STK24: variants seen among roughly 807,000 people sequenced by gnomAD.
The protein encoded by STK24 is serine/threonine-protein kinase 24.
In STK24, 21 loss-of-function variants were observed where a neutral mutation model predicts 55.6. The observed-to-expected ratio is 0.38, with a 90% CI of 0.27 to 0.54. STK24 has a LOEUF of 0.54. STK24 is among the 20% of genes least tolerant of loss of function. The probability of loss-of-function intolerance (pLI) is 0.79; values close to 1 mark genes in which losing one functional copy is unlikely to be tolerated. For missense variants in STK24, 383 were observed against 538.4 expected, an observed-to-expected ratio of 0.71 and a Z score of 2.86; for synonymous variants, 200 against 215.2, an observed-to-expected ratio of 0.93 and a Z score of 0.62.
At chr13:98,562,339 T>C (rs529937452) in intron 1 of STK24, among the ~76,000 whole-genome samples, 2 of 152,270 alleles carry the variant, frequency 1.3e-5, no homozygotes, top group South Asian at 4.1e-4. Flanking sequence ...ACATGATTCT[T>C]TTATAGACCA....
chr13:98,463,657 C>A (rs1460067187), intron 7 of STK24, 34 bp downstream of exon 7: 2 of 1,595,802 alleles, frequency 1.3e-6, no homozygotes, highest in South Asian at 2.2e-5. Context: ...ATCCCTCCCA[C>A]ACACATGCTT....
At chr13:98,468,017 T>C (rs532452822) in intron 5 of STK24, among the ~76,000 whole-genome samples, 68 of 152,328 alleles carry the variant, frequency 4.5e-4, no homozygotes, top group African/African-American at 1.5e-3. Context: ...TCAGTGAGAA[T>C]CGAATACATC....
chr13:98,566,236 T>C (rs1897567246), intron 1 of STK24, among the ~76,000 whole-genome samples: 1 of 152,224 alleles, frequency 6.6e-6, no homozygotes, highest in African/African-American at 2.4e-5. Flanking sequence ...AACACACTCT[T>C]CTTTAAAGGT....
At chr13:98,545,314 A>C (rs1897000539) in intron 1 of STK24, among the ~76,000 whole-genome samples, 1 of 152,256 alleles carries the variant, frequency 6.6e-6, no homozygotes, top group African/African-American at 2.4e-5. Context: ...AAAGCAGGGC[A>C]ACATCTCAAT....
rs1007032419 is a variant in STK24 at position 98,449,136 on chromosome 13, G to A, written c.*4037C>T. The A allele has an allele frequency of 1.3e-5, 2 of 152,204 alleles. No homozygotes were observed. The highest frequency in any genetic ancestry group is 2.4e-5 in the African/African-American group (1 of 41,450). 9.4% of individuals were successfully genotyped at this position (152,204 alleles called of 1,614,324 possible). On this transcript the variant is annotated 3_prime_UTR_variant, in exon 11 of 11. Coordinates refer to ENST00000539966, the MANE Select transcript of STK24 (RefSeq NM_001032296.4). Reference sequence around the variant, plus strand: ...GTCTGTGTCACAAGCATGAAAACCCGTGTGTCATTGATCAGCACCATTTGT... The same window carrying A: ...GTCTGTGTCACAAGCATGAAAACCCATGTGTCATTGATCAGCACCATTTGT...
chr13:98,456,611 G>A, intron 10 of STK24: 1 of 471,442 alleles, frequency 2.1e-6, no homozygotes, highest in Non-Finnish European at 4.4e-6. Flanking sequence ...ACCCCACTGA[G>A]TCCTCACCCA....
At chr13:98,531,875 G>C (rs1896588536) in intron 1 of STK24, among the ~76,000 whole-genome samples, 1 of 152,174 alleles carries the variant, frequency 6.6e-6, no homozygotes, top group African/African-American at 2.4e-5. Context: ...TGCATCAGGA[G>C]AAAGACGCTC....
chr13:98,574,840 A>C (rs1411654903), intron 1 of STK24, among the ~76,000 whole-genome samples: 1 of 145,648 alleles, frequency 6.9e-6, no homozygotes, highest in Non-Finnish European at 1.5e-5. Context: ...AAGAATTCTG[A>C]CCCACTCAAA....
At chr13:98,536,818 C>T (rs989846427) in intron 1 of STK24, among the ~76,000 whole-genome samples, 7 of 152,048 alleles carry the variant, frequency 4.6e-5, no homozygotes, top group Non-Finnish European at 8.8e-5. Flanking sequence ...ACCCTGCCAG[C>T]CACCACACTC....
chr13:98,457,312 C>T lies in STK24; in HGVS notation c.1123-8G>A, dbSNP rs1369524251. 1.2e-6 allele frequency: 2 copies of T among 1,614,036 alleles called. No individual in the cohort carries two copies. Among genetic ancestry groups the T allele is most frequent in the South Asian group, 1.1e-5 (1 of 91,082 alleles). ...CTGGCTCTTCTCCTTCAACTGAAAA[C>T]ACACGAACAGGAAGAATGGCATGAA... On this transcript the variant is annotated splice_polypyrimidine_tract_variant and splice_region_variant and intron_variant, in intron 9 of 10. Transcript: ENST00000539966.
rs2139198180 is a variant in STK24 at position 98,448,995 on chromosome 13, TAGC to T, written c.*4175_*4177del. ...TTTAAGTGGTAACTCTTTCCAACCG[TAGC>T]AGGGTTGTTTTCTGTTAAGCAAAGC... is the stretch of plus-strand genomic sequence containing the variant. On this transcript the variant is annotated 3_prime_UTR_variant, in exon 11 of 11. Coordinates refer to ENST00000539966, the MANE Select transcript of STK24 (RefSeq NM_001032296.4). The T allele has an allele frequency of 6.6e-6, 1 of 152,258 alleles. No individual in the cohort carries two copies. Among genetic ancestry groups the T allele is most frequent in the East Asian group, 1.9e-4 (1 of 5,184 alleles). 9.4% of individuals were successfully genotyped at this position (152,258 alleles called of 1,614,324 possible). A position where few individuals can be genotyped will look rare whatever the true frequency, so the allele number is the denominator to read the frequency against.
intron 1 of STK24, among the ~76,000 whole-genome samples, chr13:98,552,801 G>C (rs1190665081): frequency 6.6e-6 from 1 of 152,116 alleles, no homozygotes; most frequent in Non-Finnish European, 1.5e-5. Context: ...AAAACCACTT[G>C]AGTAGGGCCA....
chr13:98,474,242 AG>A (rs923071229), intron 5 of STK24, among the ~76,000 whole-genome samples: 1 of 152,204 alleles, frequency 6.6e-6, no homozygotes, highest in African/African-American at 2.4e-5. Context: ...GTGGGAAGAA[AG>A]GGTTAGGGTT....
intron 3 of STK24, among the ~76,000 whole-genome samples, chr13:98,477,144 C>T (rs534488863): frequency 6.6e-6 from 1 of 152,182 alleles, no homozygotes; most frequent in African/African-American, 2.4e-5. Context: ...ATAAGAAATG[C>T]ATATCAAAAC....
chr13:98,473,874 C>T (rs1396532044), intron 5 of STK24, among the ~76,000 whole-genome samples: 1 of 152,246 alleles, frequency 6.6e-6, no homozygotes, highest in South Asian at 2.1e-4. Context: ...GGGAAAGTCA[C>T]CTGGTGCTTC....
At chr13:98,504,121 A>G (rs1360564579) in intron 2 of STK24, among the ~76,000 whole-genome samples, 5 of 152,242 alleles carry the variant, frequency 3.3e-5, no homozygotes, top group African/African-American at 9.6e-5. Flanking sequence ...AGTAAAAGTG[A>G]AAGTTCATTC....
chr13:98,521,285 G>C (rs1278603585), intron 1 of STK24, among the ~76,000 whole-genome samples: 1 of 152,038 alleles, frequency 6.6e-6, no homozygotes, highest in Non-Finnish European at 1.5e-5. Flanking sequence ...TTTTTTTCCT[G>C]AACAATTGCT....
chr13:98,535,367 AAAAATATAT>A (rs1298764621), intron 1 of STK24, among the ~76,000 whole-genome samples: 15 of 29,816 alleles, frequency 5.0e-4, no homozygotes, highest in African/African-American at 1.2e-3. Flanking sequence ...CAAACAAAAA[AAAAATATAT>A]ATATATATAT....
rs115070360 is a variant in STK24, at chr13:98,477,226, T to C, written c.331-1868A>G. Among the ~76,000 whole-genome samples the C allele has an allele frequency of 7.9e-3, 1,201 of 152,352 alleles. 17 individuals carry two copies. The highest frequency in any genetic ancestry group is 0.027 in the African/African-American group (1,126 of 41,568). ...TTTCTCCACATCTATTTTTCAGTGT[T>C]CATAGAATGTAGAAATTTTAATTTT... On this transcript the variant is annotated intron_variant, in intron 3 of 10. Coordinates refer to ENST00000539966, the MANE Select transcript of STK24 (RefSeq NM_001032296.4).
Sources: allele counts gnomAD v4.1 joint callset (sites outside exome capture counted in the v4.1 genomes callset), GRCh38; gene constraint gnomAD v4.1.1; transcripts MANE v1.5; gene names NCBI Gene and HGNC (gene_info 2026-07-23, HGNC 2026-07-21).